The following PLEKHA7 variants were observed in gnomAD, a reference collection of about 807,000 sequenced individuals.
PLEKHA7 encodes pleckstrin homology domain-containing family A member 7.
Under a neutral mutation model 170.0 loss-of-function variants are expected in PLEKHA7, and 104 were observed. The ratio of observed to expected loss-of-function variants is 0.61; its 90% CI spans 0.52 to 0.72. PLEKHA7 has a LOEUF of 0.72. Ranked by LOEUF, PLEKHA7 falls within the 30% of genes least tolerant of loss-of-function variation. The pLI, the probability that PLEKHA7 is intolerant of heterozygous loss-of-function variation, is 0.00. For synonymous variants in PLEKHA7, 648 were observed against 660.8 expected (o/e 0.98, Z 0.30); for missense variants, 1,615 against 1,671.7 (o/e 0.97, Z 0.59).
At chr11:16,944,027 T>C (rs1860859183) in intron 3 of PLEKHA7, among the ~76,000 whole-genome samples, 2 of 152,188 alleles carry the variant, frequency 1.3e-5, no homozygotes, top group African/African-American at 4.8e-5. Flanking sequence ...TGATGTTGTC[T>C]CTTTGGGAAT....
At chr11:16,846,258 C>G (rs1225816742) in intron 8 of PLEKHA7, among the ~76,000 whole-genome samples, 1 of 151,868 alleles carries the variant, frequency 6.6e-6, no homozygotes, top group Non-Finnish European at 1.5e-5. Flanking sequence ...ACACTCCAGC[C>G]TGGGTGACAG....
chr11:16,946,849 G>C (rs372831121), intron 3 of PLEKHA7, among the ~76,000 whole-genome samples: 1 of 151,896 alleles, frequency 6.6e-6, no homozygotes, highest in African/African-American at 2.4e-5. Context: ...CATTCTGCTC[G>C]GTAAGGTATT....
chr11:16,868,807 T>C (rs1443393475), intron 4 of PLEKHA7, among the ~76,000 whole-genome samples: 2 of 152,192 alleles, frequency 1.3e-5, no homozygotes, highest in African/African-American at 4.8e-5. Flanking sequence ...TGAAATTAAC[T>C]ACAGGGATGT....
intron 3 of PLEKHA7, among the ~76,000 whole-genome samples, chr11:16,941,933 G>A (rs1462125329): frequency 6.6e-6 from 1 of 152,236 alleles, no homozygotes; most frequent in African/African-American, 2.4e-5. Context: ...CTCTCGAAGG[G>A]ATTTCCACTG....
chr11:16,941,917 G>A (rs1390796966), intron 3 of PLEKHA7, among the ~76,000 whole-genome samples: 1 of 152,254 alleles, frequency 6.6e-6, no homozygotes, highest in Admixed American at 6.5e-5. Flanking sequence ...TCTGCTGAAA[G>A]CACCTCTCTC....
intron 9 of PLEKHA7, among the ~76,000 whole-genome samples, chr11:16,835,115 C>CA (rs57146190): frequency 0.065 from 9,810 of 151,990 alleles, 1,016 homozygotes; most frequent in African/African-American, 0.22. Flanking sequence ...ACAAAAAATA[C>CA]AAAAAATGAG....
In PLEKHA7 at chr11:16,789,709, C is replaced by A; in HGVS notation, c.3156+66G>T. 1 of 1,432,560 alleles carries A rather than the reference C, an allele frequency of 7.0e-7. No homozygotes were observed. The highest frequency in any genetic ancestry group is 1.2e-5 in the South Asian group (1 of 83,938). The allele number at this position is 1,432,560 out of a possible 1,614,324, so 88.7% of individuals were successfully genotyped here. The stretch of plus-strand genomic sequence containing the variant: ...CTGAAGGGATGGCCAGTTACTGTCC[C>A]CCTGGGAGACCCTCCCTCCCCATGT... On this transcript the variant is annotated intron_variant, in intron 22 of 26. Transcript: ENST00000531066. This position sits in a 1 kb window ranked among gnomAD's most constrained non-coding sequence, Gnocchi z 4.6.
intron 3 of PLEKHA7, among the ~76,000 whole-genome samples, chr11:16,970,900 G>C (rs1000953208): frequency 5.3e-5 from 8 of 152,206 alleles, no homozygotes; most frequent in Non-Finnish European, 1.0e-4. Context: ...TTTCCTTCTT[G>C]GGGCTTTTCT....
At chr11:17,003,498 T>C (rs1208349600) in intron 3 of PLEKHA7, among the ~76,000 whole-genome samples, 1 of 152,260 alleles carries the variant, frequency 6.6e-6, no homozygotes, top group African/African-American at 2.4e-5. Context: ...GCATTTACAA[T>C]GTGCCAGTAA....
chr11:16,822,109 A>C (rs528027450), intron 10 of PLEKHA7, among the ~76,000 whole-genome samples: 60 of 152,190 alleles, frequency 3.9e-4, no homozygotes, highest in African/African-American at 1.4e-3. Flanking sequence ...CCCAACTCTC[A>C]AATTCAGGCC....
At chr11:16,815,795 T>G (rs1849707285) in intron 12 of PLEKHA7, among the ~76,000 whole-genome samples, 1 of 152,124 alleles carries the variant, frequency 6.6e-6, no homozygotes, top group African/African-American at 2.4e-5. Context: ...GGATTACAAG[T>G]ATGAACAACC....
At chr11:16,889,323 C>T (rs536374478) in intron 3 of PLEKHA7, among the ~76,000 whole-genome samples, 155 of 149,804 alleles carry the variant, frequency 1.0e-3, no homozygotes, top group African/African-American at 3.4e-3. Flanking sequence ...AAAGCAACCC[C>T]TTCCCCATCT....
At chr11:16,918,948 T>C (rs1858891518) in intron 3 of PLEKHA7, among the ~76,000 whole-genome samples, 1 of 151,934 alleles carries the variant, frequency 6.6e-6, no homozygotes, top group African/African-American at 2.4e-5. Flanking sequence ...CGGTGGCTCA[T>C]GCCTATAATG....
intron 3 of PLEKHA7, among the ~76,000 whole-genome samples, chr11:16,948,491 C>T (rs1412243549): frequency 1.3e-5 from 2 of 152,048 alleles, no homozygotes; most frequent in Non-Finnish European, 2.9e-5. Context: ...CCTCCATTTC[C>T]CTCACATCAG....
chr11:16,858,148 C>A (rs569013113), intron 4 of PLEKHA7, among the ~76,000 whole-genome samples: 12 of 152,276 alleles, frequency 7.9e-5, no homozygotes, highest in African/African-American at 2.9e-4. Flanking sequence ...GAAAGGAAAA[C>A]CATTTGTAAC....
chr11:16,935,397 G>T (rs1050950358), intron 3 of PLEKHA7, among the ~76,000 whole-genome samples: 1 of 152,240 alleles, frequency 6.6e-6, no homozygotes, highest in African/African-American at 2.4e-5. Context: ...ACTCCAGCCT[G>T]GGTGACAGAG....
chr11:16,899,235 G>A (rs563829689), intron 3 of PLEKHA7, among the ~76,000 whole-genome samples: 1 of 152,306 alleles, frequency 6.6e-6, no homozygotes, highest in South Asian at 2.1e-4. Context: ...GGTGGCTCAC[G>A]CCTGTAATCC....
In PLEKHA7 at chr11:16,871,176, G is replaced by C; in HGVS notation, c.228C>G (p.Asn76Lys). The C allele has an allele frequency of 6.2e-7, 1 of 1,606,100 alleles. No homozygotes were observed. Reference sequence around the variant, plus strand: ...GATGCCTGAATGCTGTGGTCTGCTGGTTATGGCTAAAGAGAAAGAGAGAAG... The same window carrying C: ...GATGCCTGAATGCTGTGGTCTGCTGCTTATGGCTAAAGAGAAAGAGAGAAG... ...EEGASYFIDH[N>K]QQTTAFRHPV... The change falls in exon 4 of 27, where the codon AAC (asparagine) becomes AAG (lysine). Residue 76 changes from asparagine (N) to lysine (K), a missense_variant. Coordinates refer to ENST00000531066, the MANE Select transcript of PLEKHA7 (RefSeq NM_001329630.2).
rs74639289 is a variant in PLEKHA7 at position 16,890,414 on chromosome 11, T to C, written c.222-19232A>G. ...GCATACAAAAAACCCACCTCGCTGATAAAGACATTTACAAAGTAAAGGACT... is the reference window on the plus strand; with the variant it reads ...GCATACAAAAAACCCACCTCGCTGACAAAGACATTTACAAAGTAAAGGACT... On this transcript the variant is annotated intron_variant, in intron 3 of 26. Transcript: ENST00000531066. Among the ~76,000 whole-genome samples, 1,214 of 152,202 alleles carry C rather than the reference T, an allele frequency of 8.0e-3. 34 individuals carry two copies. In the East Asian group the frequency reaches 0.084, roughly 11 times the overall value.
Sources: gnomAD v4.1 joint callset for allele counts (sites outside exome capture counted in the v4.1 genomes callset) on GRCh38, gnomAD v4.1.1 for gene constraint, Gnocchi (gnomAD v3.1) non-coding constraint, MANE v1.5 for transcripts, NCBI Gene and HGNC (gene_info 2026-07-23, HGNC 2026-07-21) for gene names.